Variants in DNAH12 observed in about 807,000 individuals in gnomAD.
DNAH12 encodes the protein dynein axonemal heavy chain 12.
In DNAH12, 285 loss-of-function variants were observed where a neutral mutation model predicts 371.5. The observed-to-expected ratio is 0.77, with a 90% confidence interval of 0.70 to 0.85. The LOEUF is 0.85. Among genes scored for constraint, DNAH12 ranks in the 40% least tolerant of loss-of-function variants. DNAH12 has a pLI of 0.00. For missense variants in DNAH12, 3,611 were observed against 3,689.4 expected (o/e 0.98, Z 0.55); for synonymous variants, 1,200 against 1,213.0 (o/e 0.99, Z 0.22).
intron 56 of DNAH12, among the ~76,000 whole-genome samples, chr3:57,367,503 A>G (rs1199341380): frequency 6.6e-6 from 1 of 152,226 alleles, no homozygotes; most frequent in African/African-American, 2.4e-5. Context: ...ATTTTCAATC[A>G]TGATTCTAAA....
intron 29 of DNAH12, among the ~76,000 whole-genome samples, chr3:57,439,365 T>C (rs575496538): frequency 3.9e-5 from 6 of 152,216 alleles, no homozygotes; most frequent in Middle Eastern, 3.4e-3. Context: ...CACAGACCAA[T>C]AGAATGACTA....
chr3:57,520,016 CGCCGCGGAGCCGATG>C, intron 4 of DNAH12: 1 of 767,248 alleles, frequency 1.3e-6, no homozygotes, highest in South Asian at 1.5e-5. Context: ...GCCATGGTAG[CGCCGCGGAGCCGATG>C]GCCGACGTTG....
In DNAH12 at chr3:57,496,197, C is replaced by G. The variant is rs557190181; in HGVS notation, c.1335+5124G>C. ...AACCTTCATGAGAACATAGCCCCAACTGACAGCTTGACTGCAACTTTATGA... is the reference window on the plus strand; with the variant it reads ...AACCTTCATGAGAACATAGCCCCAAGTGACAGCTTGACTGCAACTTTATGA... On this transcript the variant is annotated intron_variant, in intron 11 of 73. Transcript: ENST00000495027. Among the ~76,000 whole-genome samples, 4 of 152,002 alleles carry G rather than the reference C, an allele frequency of 2.6e-5. No individual in the cohort carries two copies. In the South Asian group the frequency reaches 6.2e-4, roughly 24 times the overall value.
At position 57,458,094 on chromosome 3, in the gene DNAH12, C is replaced by T; in HGVS notation, c.3053+5G>A. On this transcript the variant is annotated splice_donor_5th_base_variant and intron_variant, in intron 21 of 73. Coordinates refer to ENST00000495027, the MANE Select transcript of DNAH12 (RefSeq NM_001366028.2). Reference sequence around the variant, plus strand: ...AATTACAGCACAATTGATTATTTATCATACCGAGGGAAGAAAAGACGTTTC... The same window carrying T: ...AATTACAGCACAATTGATTATTTATTATACCGAGGGAAGAAAAGACGTTTC... 1 of 1,542,830 alleles carries T rather than the reference C, an allele frequency of 6.5e-7. No individual in the cohort carries two copies. The highest frequency in any genetic ancestry group is 8.7e-7 in the Non-Finnish European group (1 of 1,144,634).
In DNAH12 at chr3:57,502,788, G is replaced by A. The variant is rs554798084; in HGVS notation, c.1087-309C>T. Among the ~76,000 whole-genome samples the A allele has an allele frequency of 3.3e-5, 5 of 152,076 alleles. No individual in the cohort carries two copies. In the East Asian group the frequency reaches 5.8e-4, roughly 18 times the overall value. ...TCTCGAACTCCTGACCTCGTGATCC[G>A]CCCACCTCAGCCTCCCAAAGTCCTG... is the stretch of plus-strand genomic sequence containing the variant. On this transcript the variant is annotated intron_variant, in intron 9 of 73. Coordinates refer to ENST00000495027, the MANE Select transcript of DNAH12 (RefSeq NM_001366028.2).
At chr3:57,407,799 A>C (rs1170522471) in intron 40 of DNAH12, among the ~76,000 whole-genome samples, 2 of 152,094 alleles carry the variant, frequency 1.3e-5, no homozygotes, top group Admixed American at 6.6e-5. Flanking sequence ...TCTCTTTTAT[A>C]ATTATTTTTT....
intron 70 of DNAH12, among the ~76,000 whole-genome samples, chr3:57,299,899 G>A (rs1325909999): frequency 2.0e-5 from 3 of 152,212 alleles, no homozygotes; most frequent in African/African-American, 4.8e-5. Flanking sequence ...AACAGTGAGA[G>A]AGAAATGAGG....
intron 45 of DNAH12, among the ~76,000 whole-genome samples, 157 bp from the exon 46 acceptor site, chr3:57,387,376 G>C (rs1320182326): frequency 3.3e-5 from 5 of 152,074 alleles, no homozygotes; most frequent in Non-Finnish European, 7.4e-5. Flanking sequence ...CAGAATAAGA[G>C]GGACTGAGGT....
At chr3:57,425,237 G>A (rs2064727419) in intron 34 of DNAH12, 96 bp from the exon 35 acceptor site, 2 of 626,810 alleles carry the variant, frequency 3.2e-6, no homozygotes, top group Admixed American at 2.7e-5. Flanking sequence ...AGCATACATG[G>A]TTTTAATAAG....
chr3:57,382,613 C>A (rs1357446256), intron 49 of DNAH12, among the ~76,000 whole-genome samples: 1 of 151,270 alleles, frequency 6.6e-6, no homozygotes, highest in African/African-American at 2.4e-5. Flanking sequence ...TGGGAGGGGT[C>A]AGTCATAGAT....
chr3:57,510,764 C>T, intron 5 of DNAH12, 26 bp downstream of exon 5: 1 of 1,604,776 alleles, frequency 6.2e-7, no homozygotes, highest in Non-Finnish European at 8.5e-7. Context: ...GTGAAAGAAG[C>T]CTGGTGTGTG....
Position 57,499,647 on chromosome 3 carries a change from A to AATATAT in DNAH12, c.1335+1668_1335+1673dup, listed in dbSNP as rs1176721728. Among the ~76,000 whole-genome samples, 58 of 17,952 alleles carry AATATAT rather than the reference A, an allele frequency of 3.2e-3. 3 individuals are homozygous for AATATAT. Among genetic ancestry groups the AATATAT allele is most frequent in the East Asian group, 0.013 (18 of 1,356 alleles). 11.8% of individuals were successfully genotyped at this position (17,952 alleles called of 152,430 possible). On this transcript the variant is annotated intron_variant, in intron 11 of 73. Coordinates refer to ENST00000495027, the MANE Select transcript of DNAH12 (RefSeq NM_001366028.2). Reference sequence around the variant, plus strand: ...CATCTCTACAAAAAAAAAAAAAAAAAATATATATATATATATATATATATA... The same window carrying AATATAT: ...CATCTCTACAAAAAAAAAAAAAAAAAATATATATATATATATATATATATATATATA...
chr3:57,551,611 T>C, the DNAH12 span, among the ~76,000 whole-genome samples: 1 of 152,180 alleles, frequency 6.6e-6, no homozygotes, highest in African/African-American at 2.4e-5. Context: ...ATTACATATA[T>C]TACTTTGAAT....
At chr3:57,504,910 G>A (rs1207154543) in intron 8 of DNAH12, among the ~76,000 whole-genome samples, 1 of 120,716 alleles carries the variant, frequency 8.3e-6, no homozygotes, top group African/African-American at 3.1e-5. Context: ...TTTGCTTTTT[G>A]TTTTTGAGAC....
At chr3:57,319,570 G>GT (rs751886213) in intron 65 of DNAH12, among the ~76,000 whole-genome samples, 1 of 151,826 alleles carries the variant, frequency 6.6e-6, no homozygotes, top group Non-Finnish European at 1.5e-5. Context: ...GTTAAGAGTT[G>GT]TTTTTTGGTT....
chr3:57,453,490 T>C (rs1248350872), intron 23 of DNAH12, 87 bp from the exon 24 acceptor site: 2 of 1,158,296 alleles, frequency 1.7e-6, no homozygotes, highest in African/African-American at 3.2e-5. Flanking sequence ...TATAAAACAA[T>C]TCTGACTTCT....
intron 62 of DNAH12, 50 bp downstream of exon 62, chr3:57,334,415 C>A: frequency 6.6e-7 from 1 of 1,504,550 alleles, no homozygotes; most frequent in Non-Finnish European, 8.8e-7. Flanking sequence ...CCTAGCACTT[C>A]ATAAATGGCA....
At chr3:57,550,880 ATTT>A in the DNAH12 span, among the ~76,000 whole-genome samples, 1 of 136,794 alleles carries the variant, frequency 7.3e-6, no homozygotes. Context: ...GCTAGAAACA[ATTT>A]TTTTTTTTTT....
At chr3:57,353,476 G>A (rs1255169922) in intron 59 of DNAH12, among the ~76,000 whole-genome samples, 2 of 151,938 alleles carry the variant, frequency 1.3e-5, no homozygotes, top group Admixed American at 6.6e-5. Context: ...TGTATTTTTT[G>A]TAGAGATGGG....
Sources: allele counts gnomAD v4.1 joint callset (sites outside exome capture counted in the v4.1 genomes callset), GRCh38; gene constraint gnomAD v4.1.1; transcripts MANE v1.5; gene names NCBI Gene and HGNC (gene_info 2026-07-23, HGNC 2026-07-21).